The following NAB1 variants were observed in gnomAD, a reference collection of about 807,000 sequenced individuals.
NAB1 encodes NGFI-A-binding protein 1.
Under a neutral mutation model 49.9 loss-of-function variants are expected in NAB1, and 25 were observed. The ratio of observed to expected loss-of-function variants is 0.50; its 90% CI spans 0.37 to 0.70. The LOEUF (loss-of-function observed/expected upper bound fraction) is 0.70, where lower values mean the gene tolerates loss of function less well. Among genes scored for constraint, NAB1 ranks in the 30% least tolerant of loss-of-function variants. The pLI is 0.00. For synonymous variants in NAB1, 198 were observed against 215.6 expected, an observed-to-expected ratio of 0.92 and a Z score of 0.71; for missense variants, 489 against 575.9, an observed-to-expected ratio of 0.85 and a Z score of 1.54.
chr2:190,663,375 G>A lies in NAB1; in HGVS notation c.819+3380G>A, dbSNP rs716254. The stretch of plus-strand genomic sequence containing the variant: ...GGTTTGCCAATTTTATTCTTTTTTA[G>A]AGATCTGCAAACTAGGGTCTGTGTG... On this transcript the variant is annotated intron_variant, in intron 4 of 9. Transcript: ENST00000337386. This position sits in a 1 kb window ranked among gnomAD's most constrained non-coding sequence, Gnocchi z 4.2. 0.19 allele frequency among the ~76,000 whole-genome samples: 29,037 copies of A among 152,052 alleles called. 3,305 individuals are homozygous for A. The highest frequency in any genetic ancestry group is 0.41 in the East Asian group (2,143 of 5,166).
chr2:190,652,416 G>T lies in NAB1; in HGVS notation c.-197+2434G>T, dbSNP rs368226223. Among the ~76,000 whole-genome samples, 2 of 152,158 alleles carry T rather than the reference G, an allele frequency of 1.3e-5. No individual in the cohort carries two copies. Among genetic ancestry groups the T allele is most frequent in the Admixed American group, 1.3e-4 (2 of 15,282 alleles). On this transcript the variant is annotated intron_variant, in intron 2 of 9. Transcript: ENST00000337386. The surrounding 1 kb of genome is among the most constrained non-coding windows in gnomAD (Gnocchi z 4.2). ...TTTCCAGCCATTGTACGAAATGCTA[G>T]TATTTGCCTATTGTTACTATAGTTA...
chr2:190,666,213 G>A lies in NAB1; in HGVS notation c.820-4113G>A, dbSNP rs1694509108. On this transcript the variant is annotated intron_variant, in intron 4 of 9. Coordinates refer to ENST00000337386, the MANE Select transcript of NAB1 (RefSeq NM_005966.4). This position sits in a 1 kb window ranked among gnomAD's most constrained non-coding sequence, Gnocchi z 5.6. Reference sequence around the variant, plus strand: ...AGTGCTGGAAATGAAAGTCCTGATTGCCTTTTGAGCCTCCCTATCACACAG... The same window carrying A: ...AGTGCTGGAAATGAAAGTCCTGATTACCTTTTGAGCCTCCCTATCACACAG... Among the ~76,000 whole-genome samples, 1 of 151,974 alleles carries A rather than the reference G, an allele frequency of 6.6e-6. No homozygotes were observed. Among genetic ancestry groups the A allele is most frequent in the African/African-American group, 2.4e-5 (1 of 41,362 alleles).
In NAB1 at chr2:190,678,492, AT is replaced by A. The variant is rs1370582990; in HGVS notation, c.1006-5244del. 6.6e-6 allele frequency among the ~76,000 whole-genome samples: 1 copy of A among 152,188 alleles called. No homozygotes were observed. The highest frequency in any genetic ancestry group is 1.5e-5 in the Non-Finnish European group (1 of 68,042). On this transcript the variant is annotated intron_variant, in intron 6 of 9. Transcript: ENST00000337386. This position sits in a 1 kb window ranked among gnomAD's most constrained non-coding sequence, Gnocchi z 4.9. ...ATTTGAGTTTTCTTCATTCGCTGAA[AT>A]TGCTGGAGACTGGGCAGAGATGGGA...
Position 190,669,662 on chromosome 2 carries a change from A to G in NAB1, c.820-664A>G, listed in dbSNP as rs1314335057. Among the ~76,000 whole-genome samples the G allele has an allele frequency of 6.6e-6, 1 of 152,260 alleles. No homozygotes were observed. Among genetic ancestry groups the G allele is most frequent in the East Asian group, 1.9e-4 (1 of 5,204 alleles). ...GAAAAAATTTCTAGTTTGTTAAACA[A>G]TTACAGATTTTGTGTTTAGGGTAAC... On this transcript the variant is annotated intron_variant, in intron 4 of 9. Coordinates refer to ENST00000337386, the MANE Select transcript of NAB1 (RefSeq NM_005966.4). The surrounding 1 kb of genome is among the most constrained non-coding windows in gnomAD (Gnocchi z 4.3).
rs1176403310 is a variant in NAB1, at chr2:190,667,096, C to T, written c.820-3230C>T. On this transcript the variant is annotated intron_variant, in intron 4 of 9. Transcript: ENST00000337386. This position sits in a 1 kb window ranked among gnomAD's most constrained non-coding sequence, Gnocchi z 4.4. ...TTGGGGGTGAGCTAGAGTTACTTCTCCAGCCTCAGTTTTTTACCAGGTTCC... is the reference window on the plus strand; with the variant it reads ...TTGGGGGTGAGCTAGAGTTACTTCTTCAGCCTCAGTTTTTTACCAGGTTCC... 6.6e-6 allele frequency among the ~76,000 whole-genome samples: 1 copy of T among 152,198 alleles called. No individual in the cohort carries two copies. The highest frequency in any genetic ancestry group is 2.4e-5 in the African/African-American group (1 of 41,440).
rs752659504 is a variant in NAB1 at position 190,687,325 on chromosome 2, C to T, written c.1375+8C>T. On this transcript the variant is annotated splice_region_variant and intron_variant, in intron 9 of 9. Transcript: ENST00000337386. ...CAAAGTCCCACTCATCAGGTGAGAACGTGCTATATGATGAGAGGGTAACAC... is the reference window on the plus strand; with the variant it reads ...CAAAGTCCCACTCATCAGGTGAGAATGTGCTATATGATGAGAGGGTAACAC... 37 of 1,466,082 alleles carry T rather than the reference C, an allele frequency of 2.5e-5. No individual in the cohort carries two copies. In the Middle Eastern group the frequency reaches 7.0e-4, roughly 28 times the overall value. The allele number at this position is 1,466,082 out of a possible 1,614,324, so 90.8% of individuals were successfully genotyped here.
chr2:190,654,808 A>G lies in NAB1; in HGVS notation c.-196-1169A>G, dbSNP rs1413193602. Among the ~76,000 whole-genome samples, 1 of 152,160 alleles carries G rather than the reference A, an allele frequency of 6.6e-6. No homozygotes were observed. Among genetic ancestry groups the G allele is most frequent in the Non-Finnish European group, 1.5e-5 (1 of 68,020 alleles). On this transcript the variant is annotated intron_variant, in intron 2 of 9. Coordinates refer to ENST00000337386, the MANE Select transcript of NAB1 (RefSeq NM_005966.4). This position sits in a 1 kb window ranked among gnomAD's most constrained non-coding sequence, Gnocchi z 5.6. The stretch of plus-strand genomic sequence containing the variant: ...AGAGAAAGAAGTGGTGGTGTAGCCT[A>G]AGGACATGTAGATTTGAGGAAGAAA...
chr2:190,656,888 A>C (rs570931432), intron 3 of NAB1, among the ~76,000 whole-genome samples: 1 of 152,210 alleles, frequency 6.6e-6, no homozygotes, highest in African/African-American at 2.4e-5. Context: ...ACATATGCTG[A>C]GTTAATTGAT....
rs935792774 is a variant in NAB1 at position 190,684,232 on chromosome 2, C to A, written c.1095+405C>A. ...TAATTATTGTTAAATCTTTTAAATT[C>A]ATATTTATTGAAAAACTATTAAATG... On this transcript the variant is annotated intron_variant, in intron 7 of 9. Coordinates refer to ENST00000337386, the MANE Select transcript of NAB1 (RefSeq NM_005966.4). This position sits in a 1 kb window ranked among gnomAD's most constrained non-coding sequence, Gnocchi z 4.6. Among the ~76,000 whole-genome samples the A allele has an allele frequency of 7.9e-5, 12 of 152,218 alleles. No individual in the cohort carries two copies. Among genetic ancestry groups the A allele is most frequent in the Non-Finnish European group, 1.3e-4 (9 of 68,004 alleles).
rs1247507268 is a variant in NAB1 at position 190,678,003 on chromosome 2, T to C, written c.1005+4851T>C. On this transcript the variant is annotated intron_variant, in intron 6 of 9. Coordinates refer to ENST00000337386, the MANE Select transcript of NAB1 (RefSeq NM_005966.4). The surrounding 1 kb of genome is among the most constrained non-coding windows in gnomAD (Gnocchi z 4.9). Reference sequence around the variant, plus strand: ...TTATTATTTTCTAATCCAAGAAATGTTATGTAGTAAACAGTTACAAGTTTT... The same window carrying C: ...TTATTATTTTCTAATCCAAGAAATGCTATGTAGTAAACAGTTACAAGTTTT... Among the ~76,000 whole-genome samples, 1 of 152,214 alleles carries C rather than the reference T, an allele frequency of 6.6e-6. No individual in the cohort carries two copies. Among genetic ancestry groups the C allele is most frequent in the African/African-American group, 2.4e-5 (1 of 41,456 alleles).
chr2:190,667,231 A>G lies in NAB1; in HGVS notation c.820-3095A>G, dbSNP rs1694568802. Among the ~76,000 whole-genome samples, 1 of 152,236 alleles carries G rather than the reference A, an allele frequency of 6.6e-6. No individual in the cohort carries two copies. The highest frequency in any genetic ancestry group is 1.5e-5 in the Non-Finnish European group (1 of 68,034). ...GGTTTCTGGAAAGGTAAGAGAAGGA[A>G]TACTAGAATATTGTTTTCAGTTTAT... On this transcript the variant is annotated intron_variant, in intron 4 of 9. Transcript: ENST00000337386. The surrounding 1 kb of genome is among the most constrained non-coding windows in gnomAD (Gnocchi z 4.4).
In NAB1 at chr2:190,657,047, T is replaced by C. The variant is rs1693958684; in HGVS notation, c.-20+894T>C. Among the ~76,000 whole-genome samples the C allele has an allele frequency of 6.6e-6, 1 of 152,218 alleles. No homozygotes were observed. The highest frequency in any genetic ancestry group is 2.1e-4 in the South Asian group (1 of 4,832). ...ATATACACATTACACATGTACTTTT[T>C]TTTTCTGTATTGCGTTGAAAGCCTA... is the stretch of plus-strand genomic sequence containing the variant. On this transcript the variant is annotated intron_variant, in intron 3 of 9. Transcript: ENST00000337386. The surrounding 1 kb of genome is among the most constrained non-coding windows in gnomAD (Gnocchi z 4.4).
In NAB1 at chr2:190,682,921, C is replaced by G. The variant is rs564138084; in HGVS notation, c.1006-817C>G. Among the ~76,000 whole-genome samples the G allele has an allele frequency of 2.6e-5, 4 of 152,138 alleles. No homozygotes were observed. Among genetic ancestry groups the G allele is most frequent in the Non-Finnish European group, 4.4e-5 (3 of 68,024 alleles). ...CAAAAATATCATCTCTGCAGTAATT[C>G]TGCTTCTGGGAATCTTTTGTAGTAG... is the stretch of plus-strand genomic sequence containing the variant. On this transcript the variant is annotated intron_variant, in intron 6 of 9. Coordinates refer to ENST00000337386, the MANE Select transcript of NAB1 (RefSeq NM_005966.4). This position sits in a 1 kb window ranked among gnomAD's most constrained non-coding sequence, Gnocchi z 4.1.
chr2:190,683,183 T>C (rs1695433510), intron 6 of NAB1, among the ~76,000 whole-genome samples: 1 of 151,960 alleles, frequency 6.6e-6, no homozygotes, highest in Non-Finnish European at 1.5e-5. Context: ...CAGTCTCGGC[T>C]CACTGCAACC....
In NAB1 at chr2:190,659,653, ACT is replaced by A; in HGVS notation, c.480_481del (p.Trp161AlafsTer7). Reference protein sequence around the residue: ...LALQSVGESRLWQGHHATESE... With the variant: ...LALQSVGESRXWQGHHATESE... Reference sequence around the variant, plus strand: ...CACTGCAGAGTGTTGGTGAGTCCAGACTCTGGCAAGGCCACCATGCCACTGAG... The same window carrying A: ...CACTGCAGAGTGTTGGTGAGTCCAGACTGGCAAGGCCACCATGCCACTGAG... On this transcript the variant is annotated frameshift_variant, in exon 4 of 10. Transcript: ENST00000337386. LOFTEE classifies it high-confidence loss of function. This position sits in a 1 kb window ranked among gnomAD's most constrained non-coding sequence, Gnocchi z 6.2. 1 of 1,613,844 alleles carries A rather than the reference ACT, an allele frequency of 6.2e-7. No individual in the cohort carries two copies. The highest frequency in any genetic ancestry group is 8.5e-7 in the Non-Finnish European group (1 of 1,180,020).
chr2:190,651,493 G>T lies in NAB1; in HGVS notation c.-197+1511G>T, dbSNP rs1693666662. ...ACTGGGGGACATCTTTGATGAATTT[G>T]TTAATGAACTTTAAATATTTAAAGT... On this transcript the variant is annotated intron_variant, in intron 2 of 9. Transcript: ENST00000337386. The surrounding 1 kb of genome is among the most constrained non-coding windows in gnomAD (Gnocchi z 4.3). Among the ~76,000 whole-genome samples, 1 of 152,160 alleles carries T rather than the reference G, an allele frequency of 6.6e-6. No homozygotes were observed. Among genetic ancestry groups the T allele is most frequent in the Non-Finnish European group, 1.5e-5 (1 of 68,036 alleles).
At chr2:190,662,218 G>A (rs1694261571) in intron 4 of NAB1, among the ~76,000 whole-genome samples, 1 of 152,116 alleles carries the variant, frequency 6.6e-6, no homozygotes, top group Admixed American at 6.5e-5. Context: ...ACTGGTGGAT[G>A]AAATTCAGGA....
rs796067169 is a variant in NAB1 at position 190,652,844 on chromosome 2, T to C, written c.-197+2862T>C. 4.6e-5 allele frequency among the ~76,000 whole-genome samples: 7 copies of C among 152,360 alleles called. No homozygotes were observed. In the South Asian group the frequency reaches 1.2e-3, roughly 27 times the overall value. On this transcript the variant is annotated intron_variant, in intron 2 of 9. Coordinates refer to ENST00000337386, the MANE Select transcript of NAB1 (RefSeq NM_005966.4). The surrounding 1 kb of genome is among the most constrained non-coding windows in gnomAD (Gnocchi z 4.2). Reference sequence around the variant, plus strand: ...GTGTAGCTGAACTATATTTAATCATTTTAGCTTGAGTTCTGGGTCTAGGAT... The same window carrying C: ...GTGTAGCTGAACTATATTTAATCATCTTAGCTTGAGTTCTGGGTCTAGGAT...
Position 190,675,606 on chromosome 2 carries a change from G to T in NAB1, c.1005+2454G>T, listed in dbSNP as rs1190684196. Reference sequence around the variant, plus strand: ...TCTGGATTCAAAATTAAGATAATCAGTGTTACTTTTCCCTGTGAATAACTC... The same window carrying T: ...TCTGGATTCAAAATTAAGATAATCATTGTTACTTTTCCCTGTGAATAACTC... On this transcript the variant is annotated intron_variant, in intron 6 of 9. Coordinates refer to ENST00000337386, the MANE Select transcript of NAB1 (RefSeq NM_005966.4). The surrounding 1 kb of genome is among the most constrained non-coding windows in gnomAD (Gnocchi z 5.2). Among the ~76,000 whole-genome samples the T allele has an allele frequency of 6.6e-6, 1 of 152,158 alleles. No homozygotes were observed. The highest frequency in any genetic ancestry group is 1.9e-4 in the East Asian group (1 of 5,196).
Sources: gnomAD v4.1 joint callset for allele counts (sites outside exome capture counted in the v4.1 genomes callset) on GRCh38, gnomAD v4.1.1 for gene constraint, Gnocchi (gnomAD v3.1) non-coding constraint, MANE v1.5 for transcripts, NCBI Gene and HGNC (gene_info 2026-07-23, HGNC 2026-07-21) for gene names.